Variants in VWA3A observed in about 807,000 individuals in gnomAD.
The protein encoded by VWA3A is von Willebrand factor A domain-containing protein 3A.
VWA3A carries 134 observed loss-of-function variants against 160.4 expected under a neutral mutation model. The observed-to-expected ratio is 0.84, with a 90% confidence interval of 0.73 to 0.96. VWA3A has a LOEUF of 0.96. Among genes scored for constraint, VWA3A ranks in the 40% least tolerant of loss-of-function variants. The pLI is 0.00. For synonymous variants in VWA3A, 476 were observed against 543.4 expected (o/e 0.88, Z 1.72); for missense variants, 1,310 against 1,447.9 (o/e 0.90, Z 1.55).
intron 24 of VWA3A, among the ~76,000 whole-genome samples, chr16:22,142,466 T>C (rs2046168225): frequency 6.6e-6 from 1 of 151,960 alleles, no homozygotes; most frequent in African/African-American, 2.4e-5. Flanking sequence ...AGCCAGCCCT[T>C]GCGGCAAGTA....
intron 6 of VWA3A, 69 bp downstream of exon 6, chr16:22,103,598 A>G (rs1043966827): frequency 1.2e-5 from 19 of 1,521,666 alleles, no homozygotes; most frequent in Non-Finnish European, 1.7e-5. Context: ...GAACCCTTTC[A>G]GTTGCAAATG....
intron 25 of VWA3A, among the ~76,000 whole-genome samples, chr16:22,143,431 G>A (rs756517729): frequency 1.2e-4 from 19 of 152,168 alleles, no homozygotes; most frequent in Non-Finnish European, 5.9e-5. Context: ...TTCAATAAAA[G>A]CCTGAGCATG....
intron 6 of VWA3A, among the ~76,000 whole-genome samples, chr16:22,107,222 C>T (rs763694975): frequency 7.2e-5 from 11 of 152,144 alleles, no homozygotes; most frequent in East Asian, 1.9e-4. Context: ...TTTTGCCCCA[C>T]GGGAACATTT....
Position 22,138,219 on chromosome 16 carries a change from C to T in VWA3A, c.2140-141C>T, listed in dbSNP as rs912323165. ...GATTGGTCCATAGCACTTTCAGCCC[C>T]AGGTGGCTTTCTAGGGACAAAAAGA... On this transcript the variant is annotated intron_variant, in intron 21 of 33. Transcript: ENST00000389398. The T allele has an allele frequency of 8.3e-6, 8 of 960,446 alleles. No homozygotes were observed. The African/African-American group carries it at 1.3e-4, about 16-fold the overall frequency. 59.5% of individuals were successfully genotyped at this position (960,446 alleles called of 1,614,324 possible).
intron 17 of VWA3A, among the ~76,000 whole-genome samples, chr16:22,127,491 A>G (rs2045871671): frequency 6.6e-6 from 1 of 152,166 alleles, no homozygotes; most frequent in Non-Finnish European, 1.5e-5. Flanking sequence ...AGACAGAGAG[A>G]AAAGGAACCC....
At chr16:22,098,489 C>T (rs905362322) in intron 3 of VWA3A, among the ~76,000 whole-genome samples, 4 of 152,116 alleles carry the variant, frequency 2.6e-5, no homozygotes, top group Admixed American at 2.6e-4. Context: ...TATGAAAATG[C>T]ATGACTTCCC....
intron 14 of VWA3A, among the ~76,000 whole-genome samples, chr16:22,122,410 A>T (rs1299716318): frequency 1.3e-5 from 2 of 151,956 alleles, no homozygotes; most frequent in Non-Finnish European, 2.9e-5. Flanking sequence ...AATGGAATAA[A>T]GGACAAGTGA....
intron 31 of VWA3A, 151 bp from the exon 32 acceptor site, chr16:22,155,416 C>T (rs2046423217): frequency 1.5e-6 from 1 of 677,830 alleles, no homozygotes; most frequent in East Asian, 2.6e-5. Context: ...AGTGAGCTTC[C>T]TGACCCTGGA....
chr16:22,138,598 C>T (rs2046087311), intron 22 of VWA3A, 86 bp downstream of exon 22: 1 of 1,545,134 alleles, frequency 6.5e-7, no homozygotes, highest in Non-Finnish European at 8.7e-7. Flanking sequence ...TGGCTGGGGC[C>T]AGCAGGGATG....
intron 19 of VWA3A, 63 bp from the exon 20 acceptor site, chr16:22,132,837 C>G: frequency 6.5e-7 from 1 of 1,535,758 alleles, no homozygotes; most frequent in Non-Finnish European, 8.8e-7. Context: ...GCTGGGCTGC[C>G]CAGAGCCCCA....
chr16:22,151,287 A>AAG (rs1555461898), intron 30 of VWA3A, among the ~76,000 whole-genome samples: 1 of 151,984 alleles, frequency 6.6e-6, no homozygotes, highest in East Asian at 1.9e-4. Context: ...AAAAAAAAAA[A>AAG]AAAGAAAGAA....
Position 22,118,913 on chromosome 16 carries a change from C to T in VWA3A, c.1002C>T (p.Ser334=). 6.2e-7 allele frequency: 1 copy of T among 1,613,908 alleles called. No homozygotes were observed. Among genetic ancestry groups the T allele is most frequent in the African/African-American group, 1.3e-5 (1 of 75,038 alleles). ...CYSPKMEHYT[S]RDMDELLAEI... is the part of the protein sequence containing the mutation. ...CTTGCCACCCTCAGCACTACACCAG[C>T]CGGGACATGGATGAGCTCCTGGCAG... The change falls in exon 12 of 34, where the codon AGC becomes AGT. Residue 334 remains serine (S), a synonymous_variant. Coordinates refer to ENST00000389398, the MANE Select transcript of VWA3A (RefSeq NM_173615.5).
chr16:22,111,054 A>G, intron 8 of VWA3A, 60 bp downstream of exon 8: 1 of 1,430,530 alleles, frequency 7.0e-7, no homozygotes, highest in Non-Finnish European at 9.6e-7. Flanking sequence ...CCTAACCAGC[A>G]GAGTCTTTAT....
At chr16:22,115,212 G>A (rs965120645) in intron 8 of VWA3A, 135 bp from the exon 9 acceptor site, 24 of 1,036,018 alleles carry the variant, frequency 2.3e-5, no homozygotes, top group African/African-American at 3.3e-5. Flanking sequence ...GGAGTTCGAG[G>A]TTACAGTGAG....
chr16:22,140,891 C>T (rs894356333), intron 23 of VWA3A, among the ~76,000 whole-genome samples: 1 of 151,552 alleles, frequency 6.6e-6, no homozygotes, highest in African/African-American at 2.4e-5. Flanking sequence ...AGATTACAGG[C>T]GTGAGCCACC....
At chr16:22,151,607 C>T (rs1232656790) in intron 30 of VWA3A, among the ~76,000 whole-genome samples, 2 of 152,156 alleles carry the variant, frequency 1.3e-5, no homozygotes, top group African/African-American at 4.8e-5. Flanking sequence ...CACAATGGCT[C>T]ATGCCTATAA....
chr16:22,111,489 TTTTA>T (rs1297122034), intron 8 of VWA3A, among the ~76,000 whole-genome samples: 1 of 151,886 alleles, frequency 6.6e-6, no homozygotes, highest in Non-Finnish European at 1.5e-5. Context: ...CCTGCTAAGT[TTTTA>T]TTTATTTATT....
At chr16:22,138,704 G>A (rs1405876073) in intron 22 of VWA3A, among the ~76,000 whole-genome samples, 192 bp downstream of exon 22, 2 of 151,972 alleles carry the variant, frequency 1.3e-5, no homozygotes, top group East Asian at 3.9e-4. Context: ...CTCAGCTCTC[G>A]GGGTCCTCTG....
intron 5 of VWA3A, among the ~76,000 whole-genome samples, chr16:22,101,609 A>G (rs976645878): frequency 6.6e-6 from 1 of 152,206 alleles, no homozygotes; most frequent in Non-Finnish European, 1.5e-5. Context: ...GAGAATGAGA[A>G]TCAAGAGAAA....
Sources: gnomAD v4.1 joint callset for allele counts (sites outside exome capture counted in the v4.1 genomes callset) on GRCh38, gnomAD v4.1.1 for gene constraint, MANE v1.5 for transcripts, NCBI Gene and HGNC (gene_info 2026-07-23, HGNC 2026-07-21) for gene names.